The following EEPD1 variants were observed in gnomAD, a reference collection of about 807,000 sequenced individuals.
The protein encoded by EEPD1 is endonuclease/exonuclease/phosphatase family domain containing 1.
In EEPD1, 17 loss-of-function variants were observed where a neutral mutation model predicts 46.3. That is an observed-to-expected ratio of 0.37 (90% CI 0.25 to 0.55). The LOEUF is 0.55. EEPD1 is among the 20% of genes least tolerant of loss of function. The pLI is 0.83. For missense variants in EEPD1, 673 were observed against 745.6 expected (o/e 0.90, Z 1.13); for synonymous variants, 313 against 315.6 (o/e 0.99, Z 0.09).
chr7:36,259,563 G>A (rs969634193), intron 3 of EEPD1, among the ~76,000 whole-genome samples: 4 of 151,844 alleles, frequency 2.6e-5, no homozygotes, highest in Admixed American at 2.6e-4. Context: ...AGGCTGGAGT[G>A]CAGTGGCCCA....
intron 2 of EEPD1, among the ~76,000 whole-genome samples, chr7:36,156,524 A>C (rs1468825423): frequency 6.6e-6 from 1 of 152,198 alleles, no homozygotes; most frequent in Non-Finnish European, 1.5e-5. Flanking sequence ...CCATAGCAGC[A>C]TGGGCGTGTG....
intron 3 of EEPD1, among the ~76,000 whole-genome samples, chr7:36,274,237 T>C (rs1787152767): frequency 6.6e-6 from 1 of 152,262 alleles, no homozygotes; most frequent in Non-Finnish European, 1.5e-5. Context: ...TACTCCTTGC[T>C]GTTGCTTTAT....
intron 4 of EEPD1, among the ~76,000 whole-genome samples, chr7:36,283,607 G>A (rs1787294584): frequency 1.3e-5 from 2 of 152,214 alleles, no homozygotes; most frequent in African/African-American, 4.8e-5. Flanking sequence ...AGGTGGGACT[G>A]AGGCCCAGGT....
At chr7:36,224,583 G>A (rs1401082223) in intron 2 of EEPD1, among the ~76,000 whole-genome samples, 1 of 152,142 alleles carries the variant, frequency 6.6e-6, no homozygotes, top group African/African-American at 2.4e-5. Flanking sequence ...TCAGTATACA[G>A]CAAAAGGACA....
chr7:36,238,324 G>A (rs570392763), intron 2 of EEPD1, among the ~76,000 whole-genome samples: 1 of 152,248 alleles, frequency 6.6e-6, no homozygotes, highest in Admixed American at 6.5e-5. Flanking sequence ...ATCTCACCCT[G>A]TGACTTAATG....
At chr7:36,222,984 C>T (rs1205926826) in intron 2 of EEPD1, among the ~76,000 whole-genome samples, 6 of 152,052 alleles carry the variant, frequency 3.9e-5, no homozygotes, top group Non-Finnish European at 7.4e-5. Context: ...AACCCCATCT[C>T]TACTAAAAAT....
chr7:36,191,849 C>T (rs1785466293), intron 2 of EEPD1, among the ~76,000 whole-genome samples: 1 of 152,208 alleles, frequency 6.6e-6, no homozygotes, highest in Non-Finnish European at 1.5e-5. Flanking sequence ...AGGGAGCTAT[C>T]ATGGACCAGG....
At chr7:36,291,859 C>T (rs1437002035) in intron 6 of EEPD1, among the ~76,000 whole-genome samples, 1 of 152,224 alleles carries the variant, frequency 6.6e-6, no homozygotes, top group Non-Finnish European at 1.5e-5. Flanking sequence ...AAGGGTCAAG[C>T]AGAGCCCAGG....
intron 6 of EEPD1, among the ~76,000 whole-genome samples, chr7:36,294,402 T>G (rs1011488099): frequency 1.3e-5 from 2 of 152,090 alleles, no homozygotes; most frequent in African/African-American, 4.8e-5. Flanking sequence ...AAAAAAAGGA[T>G]TTTTCTAGAA....
chr7:36,247,166 A>G (rs1350341499), intron 3 of EEPD1, among the ~76,000 whole-genome samples: 3 of 151,806 alleles, frequency 2.0e-5, no homozygotes, highest in African/African-American at 7.3e-5. Flanking sequence ...AACTTGACAG[A>G]TTAGTCAGGG....
At chr7:36,196,648 G>C (rs530576831) in intron 2 of EEPD1, among the ~76,000 whole-genome samples, 1 of 152,238 alleles carries the variant, frequency 6.6e-6, no homozygotes, top group Non-Finnish European at 1.5e-5. Flanking sequence ...TCCTAGCCGC[G>C]AGTGATCTGC....
chr7:36,154,861 G>C lies in EEPD1; in HGVS notation c.537G>C (p.Arg179Ser), dbSNP rs886552795. 1 of 1,614,214 alleles carries C rather than the reference G, an allele frequency of 6.2e-7. No homozygotes were observed. The highest frequency in any genetic ancestry group is 2.2e-5 in the East Asian group (1 of 44,884). ...TTCGCAGCGTTGAGGACCTAGTGAG[G>C]ATGGATGGTATCAATGCCGCCTTCC... ...GPFRSVEDLV[R>S]MDGINAAFLD... The change falls in exon 2 of 8, where the codon AGG becomes AGC. Residue 179 changes from arginine (R) to serine (S), a missense_variant. Transcript: ENST00000242108. This position sits in a 1 kb window ranked among gnomAD's most constrained non-coding sequence, Gnocchi z 4.2.
At chr7:36,292,452 C>T (rs1342774316) in intron 6 of EEPD1, among the ~76,000 whole-genome samples, 1 of 146,316 alleles carries the variant, frequency 6.8e-6, no homozygotes, top group Non-Finnish European at 1.5e-5. Flanking sequence ...TCTCTCCCTC[C>T]CTCCCTCCTT....
At chr7:36,168,244 A>C (rs1275919157) in intron 2 of EEPD1, among the ~76,000 whole-genome samples, 3 of 152,238 alleles carry the variant, frequency 2.0e-5, no homozygotes, top group Non-Finnish European at 2.9e-5. Context: ...ATTTTACCCC[A>C]CATGCTGTTG....
At chr7:36,272,853 C>T (rs1787132202) in intron 3 of EEPD1, among the ~76,000 whole-genome samples, 1 of 152,214 alleles carries the variant, frequency 6.6e-6, no homozygotes, top group Non-Finnish European at 1.5e-5. Flanking sequence ...GCAGGAAGCC[C>T]ATGGCTTCTC....
At chr7:36,273,930 C>T (rs1787148472) in intron 3 of EEPD1, among the ~76,000 whole-genome samples, 1 of 152,202 alleles carries the variant, frequency 6.6e-6, no homozygotes, top group African/African-American at 2.4e-5. Flanking sequence ...TTAAGTGACC[C>T]GGGGAATGGC....
At chr7:36,256,697 AT>A (rs900360488) in intron 3 of EEPD1, among the ~76,000 whole-genome samples, 11 of 151,334 alleles carry the variant, frequency 7.3e-5, no homozygotes, top group African/African-American at 2.4e-4. Context: ...CCATCCCTTT[AT>A]TTTGAGCCTA....
At chr7:36,186,588 T>C (rs1362729890) in intron 2 of EEPD1, among the ~76,000 whole-genome samples, 1 of 152,208 alleles carries the variant, frequency 6.6e-6, no homozygotes, top group African/African-American at 2.4e-5. Flanking sequence ...AAGGACCCAA[T>C]AGTTGTTTAT....
intron 3 of EEPD1, among the ~76,000 whole-genome samples, chr7:36,269,805 A>G (rs1464637585): frequency 3.9e-5 from 6 of 152,270 alleles, no homozygotes; most frequent in Non-Finnish European, 8.8e-5. Flanking sequence ...GGAAACAAAG[A>G]TATTGCCATT....
Sources: gnomAD v4.1 joint callset for allele counts (sites outside exome capture counted in the v4.1 genomes callset) on GRCh38, gnomAD v4.1.1 for gene constraint, Gnocchi (gnomAD v3.1) non-coding constraint, MANE v1.5 for transcripts, NCBI Gene and HGNC (gene_info 2026-07-23, HGNC 2026-07-21) for gene names.